ACVR1B: variants seen among roughly 807,000 people sequenced by gnomAD.
ACVR1B encodes activin A receptor type 1B, also known as activin receptor type-1B.
A neutral mutation model predicts 55.6 loss-of-function variants in ACVR1B; 15 were observed. The observed-to-expected ratio is 0.27, with a 90% CI of 0.18 to 0.42. ACVR1B has a LOEUF of 0.42. ACVR1B is among the 10% of genes least tolerant of loss of function. ACVR1B has a pLI of 1.00. For synonymous variants in ACVR1B, 247 were observed against 254.6 expected, an observed-to-expected ratio of 0.97 and a Z score of 0.28; for missense variants, 359 against 670.1, an observed-to-expected ratio of 0.54 and a Z score of 5.13.
rs778636885 is a variant in ACVR1B, at chr12:51,951,736, T to G, written c.-8T>G. 3.3e-6 allele frequency: 4 copies of G among 1,225,086 alleles called. No individual in the cohort carries two copies. Among genetic ancestry groups the G allele is most frequent in the African/African-American group, 1.6e-5 (1 of 62,112 alleles). 75.9% of individuals were successfully genotyped at this position (1,225,086 alleles called of 1,614,324 possible). On this transcript the variant is annotated 5_prime_UTR_variant, in exon 1 of 9. Transcript: ENST00000257963. ...GCTGCGGCGGCGGCGGCGGCGGCGG[T>G]GGTTACTATGGCGGAGTCGGCCGGA...
chr12:51,978,961 TGAGA>T (rs1941923235), intron 3 of ACVR1B, among the ~76,000 whole-genome samples: 1 of 151,190 alleles, frequency 6.6e-6, no homozygotes, highest in African/African-American at 2.4e-5. Flanking sequence ...GTCAAAAGTT[TGAGA>T]CCAGCCTGAC....
intron 1 of ACVR1B, among the ~76,000 whole-genome samples, chr12:51,966,315 CA>C (rs1292832614): frequency 1.3e-5 from 2 of 152,152 alleles, no homozygotes; most frequent in Non-Finnish European, 1.5e-5. Flanking sequence ...AGCTGCAGGA[CA>C]AATGGCCTAG....
At chr12:51,969,015 C>T (rs1272008495) in intron 1 of ACVR1B, among the ~76,000 whole-genome samples, 1 of 152,132 alleles carries the variant, frequency 6.6e-6, no homozygotes, top group Non-Finnish European at 1.5e-5. Context: ...TCAAGAAGAA[C>T]GAAGGTCCCC....
chr12:51,992,269 C>A, intron 8 of ACVR1B: 1 of 475,232 alleles, frequency 2.1e-6, no homozygotes, highest in Non-Finnish European at 3.7e-6. Context: ...CTTTGAGAGG[C>A]TGAGGCAGGA....
intron 1 of ACVR1B, among the ~76,000 whole-genome samples, chr12:51,954,244 G>A (rs1941367374): frequency 6.6e-6 from 1 of 152,162 alleles, no homozygotes; most frequent in African/African-American, 2.4e-5. Context: ...GAATTAACTA[G>A]GACTTAGTAA....
At chr12:51,989,631 A>G (rs554827308) in intron 7 of ACVR1B, among the ~76,000 whole-genome samples, 18 of 152,234 alleles carry the variant, frequency 1.2e-4, no homozygotes, top group Admixed American at 1.2e-3. Flanking sequence ...AAATCTTTCT[A>G]AGTTTGTAGT....
intron 7 of ACVR1B, chr12:51,987,518 A>G (rs1377125919): frequency 1.4e-5 from 3 of 209,382 alleles, no homozygotes; most frequent in Non-Finnish European, 2.9e-5. Flanking sequence ...TCAACTTAGT[A>G]TATCAGTATT....
intron 8 of ACVR1B, among the ~76,000 whole-genome samples, chr12:51,993,061 T>C (rs1942224812): frequency 6.6e-6 from 1 of 152,228 alleles, no homozygotes; most frequent in Admixed American, 6.5e-5. Flanking sequence ...GCTGAATTGA[T>C]ACATGTATGT....
At chr12:51,969,797 A>G (rs770498264) in intron 1 of ACVR1B, among the ~76,000 whole-genome samples, 4 of 152,148 alleles carry the variant, frequency 2.6e-5, no homozygotes, top group Non-Finnish European at 5.9e-5. Context: ...GGCAGAAGGG[A>G]TCGTGTGTGG....
At chr12:51,970,595 C>T (rs370558538) in intron 1 of ACVR1B, among the ~76,000 whole-genome samples, 11 of 152,174 alleles carry the variant, frequency 7.2e-5, no homozygotes, top group East Asian at 1.9e-4. Flanking sequence ...TTGTTCTATC[C>T]GTACTGGAGA....
Position 51,994,282 on chromosome 12 carries a change from T to G in ACVR1B, c.*172T>G. ...AGACTCGCTCACTCCCATGTTGGGT[T>G]TGAGACAGACACCTTTTCTATTTAC... On this transcript the variant is annotated 3_prime_UTR_variant, in exon 9 of 9. Transcript: ENST00000257963. The surrounding 1 kb of genome is among the most constrained non-coding windows in gnomAD (Gnocchi z 4.2). 4.7e-6 allele frequency: 4 copies of G among 853,590 alleles called. No individual in the cohort carries two copies. Among genetic ancestry groups the G allele is most frequent in the Non-Finnish European group, 7.1e-6 (4 of 566,946 alleles). 52.9% of individuals were successfully genotyped at this position (853,590 alleles called of 1,614,324 possible). A position where few individuals can be genotyped will look rare whatever the true frequency, so the allele number is the denominator to read the frequency against.
chr12:51,986,726 T>G, intron 6 of ACVR1B, 92 bp from the exon 7 acceptor site: 1 of 1,512,974 alleles, frequency 6.6e-7, no homozygotes, highest in Non-Finnish European at 8.8e-7. Flanking sequence ...GTGATACTCT[T>G]CCACATTCAG....
chr12:51,953,413 C>T, intron 1 of ACVR1B: 4 of 985,398 alleles, frequency 4.1e-6, no homozygotes, highest in African/African-American at 1.7e-5. Flanking sequence ...GTGTGTTCTT[C>T]GGCCTCACTG....
chr12:51,982,548 G>T (rs1941998756), intron 4 of ACVR1B: 1 of 942,816 alleles, frequency 1.1e-6, no homozygotes, highest in Non-Finnish European at 1.5e-6. Context: ...AGGATGCTGT[G>T]AGTGGCTGGT....
intron 4 of ACVR1B, among the ~76,000 whole-genome samples, chr12:51,983,272 T>TCCTTCCTGCTGTCCC (rs1157987414): frequency 6.6e-6 from 1 of 152,218 alleles, no homozygotes; most frequent in Non-Finnish European, 1.5e-5. Flanking sequence ...CCTGCTCTCC[T>TCCTTCCTGCTGTCCC]CCTTCCTGCT....
intron 3 of ACVR1B, among the ~76,000 whole-genome samples, chr12:51,976,846 G>C (rs953949748): frequency 6.6e-6 from 1 of 152,148 alleles, no homozygotes; most frequent in South Asian, 2.1e-4. Context: ...GCAACTGTAC[G>C]TACATCTATT....
chr12:51,986,586 A>G lies in ACVR1B; in HGVS notation c.1137-232A>G, dbSNP rs556026592. Reference sequence around the variant, plus strand: ...AATAAACAAATCTTGATGGTTAAAAATAGAGATACACATCAGAGTAGCCTG... The same window carrying G: ...AATAAACAAATCTTGATGGTTAAAAGTAGAGATACACATCAGAGTAGCCTG... On this transcript the variant is annotated intron_variant, in intron 6 of 8. Transcript: ENST00000257963. Among the ~76,000 whole-genome samples the G allele has an allele frequency of 8.5e-5, 13 of 152,362 alleles. No individual in the cohort carries two copies. The Middle Eastern group carries it at 0.014, about 159-fold the overall frequency.
In ACVR1B at chr12:51,993,765, T is replaced by TAAAAAAAAAAA. The variant is rs869161100; in HGVS notation, c.1393-191_1393-181dup. The stretch of plus-strand genomic sequence containing the variant: ...CTGGGTGACAGAGTGAGACTCCTTC[T>TAAAAAAAAAAA]AAAAAAAAAAAAAAAAAAAAAAAAA... On this transcript the variant is annotated intron_variant, in intron 8 of 8. Transcript: ENST00000257963. Among the ~76,000 whole-genome samples the TAAAAAAAAAAA allele has an allele frequency of 3.4e-4, 10 of 29,768 alleles. 1 individual carries two copies. The highest frequency in any genetic ancestry group is 2.6e-3 in the East Asian group (2 of 782). The allele number at this position is 29,768 out of a possible 152,430, so 19.5% of individuals were successfully genotyped here.
At chr12:51,992,921 A>G (rs879930650) in intron 8 of ACVR1B, among the ~76,000 whole-genome samples, 2 of 152,262 alleles carry the variant, frequency 1.3e-5, no homozygotes, top group Non-Finnish European at 2.9e-5. Flanking sequence ...TCAGGGGAAC[A>G]GGCTTCGCCT....
Sources: gnomAD v4.1 joint callset for allele counts (sites outside exome capture counted in the v4.1 genomes callset) on GRCh38, gnomAD v4.1.1 for gene constraint, Gnocchi (gnomAD v3.1) non-coding constraint, MANE v1.5 for transcripts, NCBI Gene and HGNC (gene_info 2026-07-23, HGNC 2026-07-21) for gene names.